The following ATOSA variants were observed in gnomAD, a reference collection of about 807,000 sequenced individuals.
ATOSA encodes the protein atos homolog protein A.
the ATOSA span, among the ~76,000 whole-genome samples, chr15:52,645,026 T>TA: frequency 2.0e-5 from 3 of 152,228 alleles, no homozygotes; most frequent in Admixed American, 2.0e-4. Context: ...ATTTATGTGT[T>TA]AAAAACTGTC....
chr15:52,660,115 AAAATT>A, the ATOSA span, among the ~76,000 whole-genome samples: 1 of 152,222 alleles, frequency 6.6e-6, no homozygotes, highest in Non-Finnish European at 1.5e-5. Flanking sequence ...GCCCAAAAAT[AAAATT>A]ATGATATCTT....
chr15:52,626,985 A>G, the ATOSA span, among the ~76,000 whole-genome samples: 1 of 152,200 alleles, frequency 6.6e-6, no homozygotes, highest in East Asian at 1.9e-4. Context: ...ATGAATTCTA[A>G]CTAGGTTTTC....
At chr15:52,688,024 T>C in the ATOSA span, among the ~76,000 whole-genome samples, 9 of 152,296 alleles carry the variant, frequency 5.9e-5, no homozygotes, top group Middle Eastern at 3.4e-3. Flanking sequence ...ATGAGAGACA[T>C]GTGGAAGGGA....
chr15:52,677,655 G>T, the ATOSA span, among the ~76,000 whole-genome samples: 1 of 152,184 alleles, frequency 6.6e-6, no homozygotes, highest in Non-Finnish European at 1.5e-5. Flanking sequence ...AAAAGCTTAT[G>T]AACTTCTTGA....
the ATOSA span, chr15:52,613,757 A>G: frequency 6.2e-7 from 1 of 1,613,794 alleles, no homozygotes; most frequent in Non-Finnish European, 8.5e-7. Context: ...TTTCTGTTCG[A>G]CCTTTTACAG....
At chr15:52,697,145 C>A in the ATOSA span, among the ~76,000 whole-genome samples, 1 of 152,204 alleles carries the variant, frequency 6.6e-6, no homozygotes, top group South Asian at 2.1e-4. Context: ...ATCCTATGTT[C>A]TGACCACCAC....
chr15:52,608,493 C>G, the ATOSA span: 1 of 1,444,094 alleles, frequency 6.9e-7, no homozygotes, highest in Non-Finnish European at 9.2e-7. Flanking sequence ...CCTTTATAAC[C>G]AGATCTCCTG....
chr15:52,668,231 G>T, the ATOSA span, among the ~76,000 whole-genome samples: 1 of 152,126 alleles, frequency 6.6e-6, no homozygotes, highest in Non-Finnish European at 1.5e-5. Context: ...GCCACAAAAG[G>T]AATAAAATAC....
chr15:52,696,871 C>G, the ATOSA span, among the ~76,000 whole-genome samples: 1 of 150,942 alleles, frequency 6.6e-6, no homozygotes, highest in South Asian at 2.1e-4. Flanking sequence ...AATATTTAAC[C>G]TAATATAAAT....
the ATOSA span, among the ~76,000 whole-genome samples, chr15:52,694,165 T>G: frequency 6.4e-5 from 7 of 108,756 alleles, no homozygotes; most frequent in African/African-American, 2.5e-4. Flanking sequence ...TAGATATATA[T>G]ATATTTTTTT....
At chr15:52,695,569 G>T in the ATOSA span, among the ~76,000 whole-genome samples, 2 of 152,186 alleles carry the variant, frequency 1.3e-5, no homozygotes, top group Admixed American at 1.3e-4. Context: ...GTCGACGTTT[G>T]GAACAGTGAA....
At chr15:52,679,134 G>A in the ATOSA span, 1 of 153,120 alleles carries the variant, frequency 6.5e-6, no homozygotes, top group Non-Finnish European at 1.5e-5. Flanking sequence ...CGGCTCCCCG[G>A]CGCCCCTGTG....
At chr15:52,692,257 T>C in the ATOSA span, among the ~76,000 whole-genome samples, 7 of 152,200 alleles carry the variant, frequency 4.6e-5, no homozygotes, top group South Asian at 2.1e-4. Context: ...TGCCATACTA[T>C]CTGAATAAAG....
At chr15:52,606,151 T>A in the ATOSA span, among the ~76,000 whole-genome samples, 1 of 152,048 alleles carries the variant, frequency 6.6e-6, no homozygotes, top group South Asian at 2.1e-4. Flanking sequence ...TCATATAATA[T>A]TGTAAAATAT....
the ATOSA span, among the ~76,000 whole-genome samples, chr15:52,683,035 G>A: frequency 4.6e-5 from 7 of 152,284 alleles, no homozygotes; most frequent in South Asian, 2.1e-4. Flanking sequence ...CCCAGTCTGC[G>A]TAAGTGTCTT....
At chr15:52,703,572 C>T in the ATOSA span, among the ~76,000 whole-genome samples, 1 of 152,056 alleles carries the variant, frequency 6.6e-6, no homozygotes, top group African/African-American at 2.4e-5. Flanking sequence ...AGCAATTTTA[C>T]TCCTAGAAAT....
the ATOSA span, among the ~76,000 whole-genome samples, chr15:52,631,695 G>A: frequency 6.6e-6 from 1 of 152,130 alleles, no homozygotes; most frequent in African/African-American, 2.4e-5. Context: ...GAAAGCTACT[G>A]ACGAAAAGTT....
At chr15:52,698,008 G>C in the ATOSA span, among the ~76,000 whole-genome samples, 2 of 106,098 alleles carry the variant, frequency 1.9e-5, no homozygotes, top group African/African-American at 7.3e-5. Context: ...ACAGAGTCTG[G>C]CTGTGTCACC....
At chr15:52,683,153 T>C in the ATOSA span, among the ~76,000 whole-genome samples, 1 of 152,312 alleles carries the variant, frequency 6.6e-6, no homozygotes, top group East Asian at 1.9e-4. Context: ...AGACTTAATG[T>C]CTTTTTAAAG....
Sources: allele counts gnomAD v4.1 joint callset (sites outside exome capture counted in the v4.1 genomes callset), GRCh38; gene constraint gnomAD v4.1.1; transcripts MANE v1.5; gene names NCBI Gene and HGNC (gene_info 2026-07-23, HGNC 2026-07-21).